The following AGK variants were observed in gnomAD, a reference collection of about 807,000 sequenced individuals.
The protein encoded by AGK is acylglycerol kinase, mitochondrial.
AGK carries 52 observed loss-of-function variants against 66.4 expected under a neutral mutation model. The ratio of observed to expected loss-of-function variants is 0.78; its 90% CI spans 0.63 to 0.99. The LOEUF (loss-of-function observed/expected upper bound fraction) is 0.99, where lower values mean the gene tolerates loss of function less well. Among genes scored for constraint, AGK ranks in the 50% least tolerant of loss-of-function variants. The probability of loss-of-function intolerance (pLI) is 0.00; values close to 1 mark genes in which losing one functional copy is unlikely to be tolerated. For missense variants in AGK, 451 were observed against 506.6 expected (o/e 0.89, Z 1.05); for synonymous variants, 182 against 181.1 (o/e 1.00, Z -0.04).
chr7:141,630,503 C>T (rs1587147261), intron 9 of AGK, among the ~76,000 whole-genome samples: 1 of 152,076 alleles, frequency 6.6e-6, no homozygotes, highest in East Asian at 1.9e-4. Flanking sequence ...TTACATTGTA[C>T]CCCATAAACA....
chr7:141,630,254 C>T (rs1797026994), intron 9 of AGK, among the ~76,000 whole-genome samples: 1 of 152,132 alleles, frequency 6.6e-6, no homozygotes, highest in African/African-American at 2.4e-5. Context: ...CCAGTTCTTT[C>T]CAATCTCCCC....
At chr7:141,596,496 A>G (rs1042069165) in intron 3 of AGK, 66 bp from the exon 4 acceptor site, 2 of 1,415,400 alleles carry the variant, frequency 1.4e-6, no homozygotes, top group African/African-American at 1.4e-5. Context: ...TTGGAATGAA[A>G]GAATACATGT....
At chr7:141,605,608 G>T (rs1027659400) in intron 5 of AGK, among the ~76,000 whole-genome samples, 3 of 152,268 alleles carry the variant, frequency 2.0e-5, no homozygotes, top group Non-Finnish European at 4.4e-5. Flanking sequence ...CAGTGGCAGG[G>T]TACCTAGCCT....
At chr7:141,601,419 T>C in intron 5 of AGK, 139 bp downstream of exon 5, 1 of 615,276 alleles carries the variant, frequency 1.6e-6, no homozygotes, top group Non-Finnish European at 2.7e-6. Flanking sequence ...AATTAATAAA[T>C]GTAGTTTTGT....
chr7:141,584,001 C>T (rs560163601), intron 2 of AGK, among the ~76,000 whole-genome samples: 8 of 151,956 alleles, frequency 5.3e-5, no homozygotes, highest in East Asian at 1.9e-4. Context: ...CGGGATTGAT[C>T]TCCCAAGGGA....
Position 141,641,905 on chromosome 7 carries a change from G to C in AGK, c.972G>C (p.Pro324=). Residue 324 remains proline, a synonymous_variant, in exon 13 of 16, where the codon CCG becomes CCC. Coordinates refer to ENST00000649286, the MANE Select transcript of AGK (RefSeq NM_018238.4). Reference sequence around the variant, plus strand: ...CAACACGGAATAATCAGCTTGACCCGACAGTAAGTGTGCTTTTTTATTAGA... The same window carrying C: ...CAACACGGAATAATCAGCTTGACCCCACAGTAAGTGTGCTTTTTTATTAGA... The part of the protein sequence containing the change: ...SITTRNNQLD[P]TSKEDFLNIC... The C allele has an allele frequency of 6.4e-7, 1 of 1,573,340 alleles. No homozygotes were observed.
chr7:141,652,122 C>CG lies in AGK; in HGVS notation c.1131+515dup, dbSNP rs149875606. On this transcript the variant is annotated intron_variant, in intron 15 of 15. Transcript: ENST00000649286. ...TTGGGAGGTTATTCAATTGTCAATA[C>CG]GGAAAAAAAGGAGGCTCTTCATATA... Among the ~76,000 whole-genome samples, 1,444 of 151,984 alleles carry CG rather than the reference C, an allele frequency of 9.5e-3. 24 individuals carry two copies. Among genetic ancestry groups the CG allele is most frequent in the East Asian group, 0.05 (257 of 5,172 alleles).
intron 2 of AGK, among the ~76,000 whole-genome samples, chr7:141,579,779 C>T (rs79986211): frequency 0.012 from 1,849 of 152,036 alleles, 22 homozygotes; most frequent in Non-Finnish European, 0.02. Flanking sequence ...GAAATGACGA[C>T]AGAATAGAAT....
chr7:141,588,901 CAT>C (rs1196967166), intron 2 of AGK, among the ~76,000 whole-genome samples: 1 of 152,160 alleles, frequency 6.6e-6, no homozygotes, highest in Non-Finnish European at 1.5e-5. Context: ...TTCTAATTAA[CAT>C]ATAATGAGCA....
intron 11 of AGK, among the ~76,000 whole-genome samples, chr7:141,640,987 G>A (rs1408523022): frequency 6.6e-6 from 1 of 152,150 alleles, no homozygotes; most frequent in Non-Finnish European, 1.5e-5. Context: ...TTGGACAAAT[G>A]TAAATGGTGG....
chr7:141,593,394 C>T (rs1796163723), intron 3 of AGK: 2 of 703,734 alleles, frequency 2.8e-6, no homozygotes, highest in African/African-American at 1.7e-5. Context: ...GACGCCCACC[C>T]CTATAGACTG....
At chr7:141,647,556 G>A (rs1466352270) in intron 13 of AGK, among the ~76,000 whole-genome samples, 2 of 152,144 alleles carry the variant, frequency 1.3e-5, no homozygotes, top group Non-Finnish European at 2.9e-5. Context: ...TCTCAGATCA[G>A]CACATCAGTA....
At chr7:141,624,327 T>TA (rs1036722859) in intron 9 of AGK, among the ~76,000 whole-genome samples, 1 of 152,132 alleles carries the variant, frequency 6.6e-6, no homozygotes, top group African/African-American at 2.4e-5. Flanking sequence ...AAAAACTTTG[T>TA]AAAAAAATTA....
intron 2 of AGK, among the ~76,000 whole-genome samples, chr7:141,585,632 G>A (rs573424080): frequency 3.9e-4 from 60 of 152,316 alleles, no homozygotes; most frequent in Middle Eastern, 3.4e-3. Context: ...ACAGATCAAG[G>A]TGGTTTTTCT....
At chr7:141,587,834 T>A (rs563625794) in intron 2 of AGK, among the ~76,000 whole-genome samples, 70 of 152,326 alleles carry the variant, frequency 4.6e-4, no homozygotes, top group Non-Finnish European at 8.1e-4. Context: ...ACAGGGAATG[T>A]TGGGCTTATT....
At chr7:141,618,933 T>C (rs1796764976) in intron 8 of AGK, among the ~76,000 whole-genome samples, 1 of 152,112 alleles carries the variant, frequency 6.6e-6, no homozygotes, top group Admixed American at 6.5e-5. Context: ...ATAGAGGCAA[T>C]AGGACACTAA....
chr7:141,618,800 A>G (rs1172944478), intron 8 of AGK, among the ~76,000 whole-genome samples: 1 of 152,132 alleles, frequency 6.6e-6, no homozygotes, highest in Non-Finnish European at 1.5e-5. Flanking sequence ...CCTTTTTTGA[A>G]TGGAAATTAA....
At chr7:141,552,309 A>G (rs1448815697) in intron 1 of AGK, among the ~76,000 whole-genome samples, 1 of 152,164 alleles carries the variant, frequency 6.6e-6, no homozygotes, top group Non-Finnish European at 1.5e-5. Flanking sequence ...AAGGTTTTTC[A>G]TTGTCTTCAA....
intron 2 of AGK, among the ~76,000 whole-genome samples, chr7:141,573,296 T>G (rs1795653937): frequency 6.6e-6 from 1 of 152,212 alleles, no homozygotes; most frequent in African/African-American, 2.4e-5. Flanking sequence ...ACAATGAAGT[T>G]TAATTATATT....
Sources: allele counts gnomAD v4.1 joint callset (sites outside exome capture counted in the v4.1 genomes callset), GRCh38; gene constraint gnomAD v4.1.1; transcripts MANE v1.5; gene names NCBI Gene and HGNC (gene_info 2026-07-23, HGNC 2026-07-21).